The following EYS variants were observed in gnomAD, a reference collection of about 807,000 sequenced individuals.
The protein encoded by EYS is EGF-like photoreceptor maintenance factor.
Under a neutral mutation model 282.1 loss-of-function variants are expected in EYS, and 250 were observed. The observed-to-expected ratio is 0.89, with a 90% CI of 0.80 to 0.98. The LOEUF (loss-of-function observed/expected upper bound fraction) is 0.98, where lower values mean the gene tolerates loss of function less well. EYS is among the 50% of genes least tolerant of loss of function. The probability of loss-of-function intolerance (pLI) is 0.00; values close to 1 mark genes in which losing one functional copy is unlikely to be tolerated. For synonymous variants in EYS, 1,355 were observed against 1,282.9 expected (o/e 1.06, Z -1.20); for missense variants, 4,016 against 3,709.0 (o/e 1.08, Z -2.15).
intron 31 of EYS, among the ~76,000 whole-genome samples, chr6:64,154,381 G>A (rs1582351936): frequency 6.7e-6 from 1 of 149,656 alleles, no homozygotes; most frequent in South Asian, 2.1e-4. Context: ...CAGAGGTTGC[G>A]GTGAGCCGAG....
At chr6:65,053,145 T>G (rs1299454235) in intron 13 of EYS, among the ~76,000 whole-genome samples, 1 of 151,748 alleles carries the variant, frequency 6.6e-6, no homozygotes, top group Admixed American at 6.6e-5. Context: ...ATAATCACAA[T>G]TCCCTTTTCG....
intron 12 of EYS, among the ~76,000 whole-genome samples, chr6:65,138,918 G>A (rs10944779): frequency 0.34 from 51,968 of 151,834 alleles, 9,657 homozygotes; most frequent in African/African-American, 0.49. Flanking sequence ...ATAGCTATTG[G>A]AAAGTCCAAA....
intron 12 of EYS, among the ~76,000 whole-genome samples, chr6:65,208,049 G>A (rs1012054837): frequency 1.3e-5 from 2 of 151,506 alleles, no homozygotes; most frequent in African/African-American, 4.8e-5. Context: ...CCTAACAAAA[G>A]AAATAATTAA....
At chr6:64,627,220 G>T (rs770005881) in intron 22 of EYS, among the ~76,000 whole-genome samples, 1 of 152,166 alleles carries the variant, frequency 6.6e-6, no homozygotes, top group South Asian at 2.1e-4. Flanking sequence ...AAGAAGCACT[G>T]AGCCCAGTTG....
intron 14 of EYS, among the ~76,000 whole-genome samples, chr6:64,984,555 C>A (rs1321913921): frequency 6.6e-6 from 1 of 151,322 alleles, no homozygotes; most frequent in Admixed American, 6.6e-5. Flanking sequence ...AAGTTCAATG[C>A]TCTGTAATCA....
chr6:64,355,097 T>C (rs1261973713), intron 29 of EYS, among the ~76,000 whole-genome samples: 1 of 151,598 alleles, frequency 6.6e-6, no homozygotes, highest in East Asian at 1.9e-4. Flanking sequence ...ACTCATGAAA[T>C]AATAAGTTAA....
At chr6:63,902,213 G>A (rs908920232) in intron 35 of EYS, among the ~76,000 whole-genome samples, 2 of 151,880 alleles carry the variant, frequency 1.3e-5, no homozygotes, top group Admixed American at 1.3e-4. Context: ...TTAGATTAGG[G>A]ATAGTCAACT....
At chr6:63,996,949 T>C (rs1767864179) in intron 34 of EYS, among the ~76,000 whole-genome samples, 1 of 152,188 alleles carries the variant, frequency 6.6e-6, no homozygotes, top group South Asian at 2.1e-4. Context: ...ACATTTGAGA[T>C]TTAACCCCTT....
rs199628455 is a variant in EYS, at chr6:65,411,815, C to CTTT, written c.863-6451_863-6449dup. Among the ~76,000 whole-genome samples, 843 of 136,804 alleles carry CTTT rather than the reference C, an allele frequency of 6.2e-3. 10 individuals are homozygous for CTTT. Among genetic ancestry groups the CTTT allele is most frequent in the African/African-American group, 0.022 (811 of 37,584 alleles). 89.7% of individuals were successfully genotyped at this position (136,804 alleles called of 152,430 possible). On this transcript the variant is annotated intron_variant, in intron 5 of 42. Transcript: ENST00000503581. Reference sequence around the variant, plus strand: ...AAAGCTCTTATGTGCACCAATACGTCTTTTTTTTTTTTTCGGTTAATTGGT... The same window carrying CTTT: ...AAAGCTCTTATGTGCACCAATACGTCTTTTTTTTTTTTTTTTCGGTTAATTGGT...
intron 11 of EYS, among the ~76,000 whole-genome samples, chr6:65,302,130 C>T (rs1383922388): frequency 6.6e-6 from 1 of 152,124 alleles, no homozygotes; most frequent in Non-Finnish European, 1.5e-5. Context: ...AGATAACTAA[C>T]CCTAGCTGTC....
At chr6:63,975,607 G>A (rs1766798083) in intron 35 of EYS, among the ~76,000 whole-genome samples, 1 of 151,894 alleles carries the variant, frequency 6.6e-6, no homozygotes, top group South Asian at 2.1e-4. Context: ...ACCTTTTCTT[G>A]TTAAACATTA....
chr6:64,866,572 C>G (rs1766431818), intron 19 of EYS, among the ~76,000 whole-genome samples: 2 of 151,668 alleles, frequency 1.3e-5, no homozygotes, highest in Non-Finnish European at 3.0e-5. Flanking sequence ...CAAAAGGCCT[C>G]TAGTTAGATA....
intron 8 of EYS, among the ~76,000 whole-genome samples, chr6:65,382,477 G>GTA (rs780290745): frequency 1.3e-5 from 2 of 150,810 alleles, no homozygotes; most frequent in East Asian, 3.9e-4. Context: ...GTGTGTGTGT[G>GTA]TGTGTGTGTG....
chr6:65,512,863 C>T (rs1312858335), intron 2 of EYS, among the ~76,000 whole-genome samples: 1 of 152,106 alleles, frequency 6.6e-6, no homozygotes, highest in Non-Finnish European at 1.5e-5. Flanking sequence ...GACACCCTAA[C>T]ATCATAATTA....
rs545151941 is a variant in EYS at position 63,834,586 on chromosome 6, C to T, written c.7229-28214G>A. ...TGGAGAGGATGTGGAGAAATAGAAACGCTTTTACACTGTTGGTGGGAGGGT... is the reference window on the plus strand; with the variant it reads ...TGGAGAGGATGTGGAGAAATAGAAATGCTTTTACACTGTTGGTGGGAGGGT... On this transcript the variant is annotated intron_variant, in intron 36 of 42. Transcript: ENST00000503581. 2.3e-4 allele frequency among the ~76,000 whole-genome samples: 34 copies of T among 148,200 alleles called. 1 individual carries two copies. The highest frequency in any genetic ancestry group is 4.2e-4 in the South Asian group (2 of 4,774).
chr6:64,170,538 T>C (rs1171703576), intron 31 of EYS, among the ~76,000 whole-genome samples: 1 of 151,750 alleles, frequency 6.6e-6, no homozygotes, highest in Non-Finnish European at 1.5e-5. Context: ...TTACACTTCT[T>C]GGCTGCATCG....
chr6:64,240,141 G>T (rs1766758209), intron 30 of EYS, among the ~76,000 whole-genome samples: 1 of 152,170 alleles, frequency 6.6e-6, no homozygotes, highest in South Asian at 2.1e-4. Context: ...GTACCATGCT[G>T]TTTTTGTTAC....
At chr6:65,042,659 C>T (rs568478839) in intron 13 of EYS, among the ~76,000 whole-genome samples, 1 of 151,308 alleles carries the variant, frequency 6.6e-6, no homozygotes, top group South Asian at 2.1e-4. Flanking sequence ...TATAAATCCA[C>T]CATTCAGCAT....
At chr6:65,320,677 A>G (rs115302534) in intron 11 of EYS, among the ~76,000 whole-genome samples, 7,005 of 152,292 alleles carry the variant, frequency 0.046, 220 homozygotes, top group South Asian at 0.089. Context: ...TCTGCCAGTT[A>G]TAGTTCTGCC....
Sources: gnomAD v4.1 joint callset for allele counts (sites outside exome capture counted in the v4.1 genomes callset) on GRCh38, gnomAD v4.1.1 for gene constraint, MANE v1.5 for transcripts, NCBI Gene and HGNC (gene_info 2026-07-23, HGNC 2026-07-21) for gene names.